IGF2BP2: variants seen among roughly 807,000 people sequenced by gnomAD.
IGF2BP2 encodes insulin like growth factor 2 mRNA binding protein 2.
Under a neutral mutation model 75.8 loss-of-function variants are expected in IGF2BP2, and 17 were observed. The ratio of observed to expected loss-of-function variants is 0.22; its 90% CI spans 0.15 to 0.34. IGF2BP2 has a LOEUF of 0.34. Among genes scored for constraint, IGF2BP2 ranks in the 10% least tolerant of loss-of-function variants. IGF2BP2 has a pLI of 1.00. For missense variants in IGF2BP2, 516 were observed against 772.4 expected (o/e 0.67, Z 3.93); for synonymous variants, 288 against 295.6 (o/e 0.97, Z 0.26).
At chr3:185,685,648 T>C (rs1244883299) in intron 7 of IGF2BP2, among the ~76,000 whole-genome samples, 1 of 152,074 alleles carries the variant, frequency 6.6e-6, no homozygotes, top group Non-Finnish European at 1.5e-5. Flanking sequence ...AAACTGAAAA[T>C]CTACTTTTTC....
chr3:185,697,100 GT>G (rs142766465), intron 3 of IGF2BP2, among the ~76,000 whole-genome samples: 18,822 of 152,148 alleles, frequency 0.12, 1,360 homozygotes, highest in African/African-American at 0.2. Flanking sequence ...CAGGTTTTTT[GT>G]TTTGTTTTGT....
intron 2 of IGF2BP2, among the ~76,000 whole-genome samples, chr3:185,791,955 C>T (rs545574043): frequency 5.9e-5 from 9 of 152,196 alleles, no homozygotes; most frequent in Non-Finnish European, 7.4e-5. Flanking sequence ...TCTTCTAGGA[C>T]GGTAACATAT....
intron 6 of IGF2BP2, chr3:185,689,016 A>C: frequency 2.0e-5 from 4 of 196,616 alleles, no homozygotes; most frequent in Non-Finnish European, 4.2e-5. Flanking sequence ...GGGAAGAGGA[A>C]GAGCTATGAT....
intron 10 of IGF2BP2, among the ~76,000 whole-genome samples, chr3:185,660,524 C>A (rs1716253026): frequency 6.6e-6 from 1 of 152,206 alleles, no homozygotes; most frequent in African/African-American, 2.4e-5. Context: ...CCAGCCACGC[C>A]TGCCGGCGAC....
chr3:185,717,368 G>A (rs1419597743), intron 2 of IGF2BP2: 1 of 154,984 alleles, frequency 6.5e-6, no homozygotes, highest in Non-Finnish European at 1.4e-5. Flanking sequence ...CTTCCCTCCA[G>A]GACAGAACAG....
At chr3:185,657,786 T>C (rs1715698074) in intron 11 of IGF2BP2, among the ~76,000 whole-genome samples, 1 of 152,192 alleles carries the variant, frequency 6.6e-6, no homozygotes, top group South Asian at 2.1e-4. Flanking sequence ...CCCAAGGCAT[T>C]CTGTTAGAGG....
chr3:185,748,593 T>C (rs778093607), intron 2 of IGF2BP2, among the ~76,000 whole-genome samples: 1 of 152,228 alleles, frequency 6.6e-6, no homozygotes, highest in Admixed American at 6.5e-5. Flanking sequence ...ACAATCATTA[T>C]AGACTGAATT....
chr3:185,700,730 C>G (rs985499224), intron 2 of IGF2BP2, among the ~76,000 whole-genome samples: 3 of 152,068 alleles, frequency 2.0e-5, no homozygotes, highest in Admixed American at 1.3e-4. Flanking sequence ...AAGAAACTCA[C>G]GAATGAGCAC....
In IGF2BP2 at chr3:185,675,842, C is replaced by T; in HGVS notation, c.884G>A (p.Arg295Lys). 4 of 1,613,870 alleles carry T rather than the reference C, an allele frequency of 2.5e-6. No homozygotes were observed. Among genetic ancestry groups the T allele is most frequent in the Non-Finnish European group, 2.5e-6 (3 of 1,179,940 alleles). Residue 295 changes from arginine to lysine, a missense_variant, in exon 8 of 16, where the codon AGA becomes AAA. Arg to Lys is a conservative substitution (Grantham distance 26). Transcript: ENST00000382199. ...LVGRLIGKEG[R>K]NLKKIEHETG... is the part of the protein sequence containing the mutation. ...TTCATGTTCAATTTTCTTCAAATTT[C>T]TGCCTTCTTTTCCAATCAGTCTTCC...
intron 7 of IGF2BP2, among the ~76,000 whole-genome samples, chr3:185,682,329 T>C (rs1314645173): frequency 6.6e-6 from 1 of 152,170 alleles, no homozygotes; most frequent in African/African-American, 2.4e-5. Flanking sequence ...ACAGAGTGAA[T>C]TAGTGGGTTG....
intron 2 of IGF2BP2, among the ~76,000 whole-genome samples, chr3:185,804,040 C>T (rs1032593622): frequency 1.3e-5 from 2 of 151,838 alleles, no homozygotes; most frequent in South Asian, 2.1e-4. Flanking sequence ...GGGTGGATCA[C>T]GAGGTCAGGA....
chr3:185,729,104 C>CTTTT lies in IGF2BP2; in HGVS notation c.240-30761_240-30758dup, dbSNP rs200521218. ...CTTGACAAAGCAGTAAAGATTACTGCTTTTTTTTTTTCCACAAAAATTTTG... is the reference window on the plus strand; with the variant it reads ...CTTGACAAAGCAGTAAAGATTACTGCTTTTTTTTTTTTTTTCCACAAAAATTTTG... On this transcript the variant is annotated intron_variant, in intron 2 of 15. Transcript: ENST00000382199. Among the ~76,000 whole-genome samples the CTTTT allele has an allele frequency of 4.4e-3, 645 of 146,978 alleles. 3 individuals carry two copies. Among genetic ancestry groups the CTTTT allele is most frequent in the African/African-American group, 0.015 (613 of 40,288 alleles).
chr3:185,700,514 C>T (rs1037761191), intron 2 of IGF2BP2, among the ~76,000 whole-genome samples: 1 of 152,108 alleles, frequency 6.6e-6, no homozygotes, highest in African/African-American at 2.4e-5. Flanking sequence ...GGCAATAGTT[C>T]AGAATAAAAC....
chr3:185,726,014 G>C (rs1293985037), intron 2 of IGF2BP2, among the ~76,000 whole-genome samples: 1 of 152,132 alleles, frequency 6.6e-6, no homozygotes, highest in East Asian at 1.9e-4. Flanking sequence ...CTGAACACTG[G>C]TGTTGGTTAA....
At chr3:185,667,540 C>CT (rs1717837143) in intron 10 of IGF2BP2, among the ~76,000 whole-genome samples, 1 of 152,108 alleles carries the variant, frequency 6.6e-6, no homozygotes, top group African/African-American at 2.4e-5. Context: ...TGGAAGAAGG[C>CT]TTTTTTCCTT....
intron 2 of IGF2BP2, among the ~76,000 whole-genome samples, chr3:185,805,165 ATTT>A (rs951044633): frequency 1.3e-5 from 2 of 152,204 alleles, no homozygotes; most frequent in South Asian, 2.1e-4. Context: ...GCCCAGAAGT[ATTT>A]CTGAAAATCC....
intron 2 of IGF2BP2, among the ~76,000 whole-genome samples, chr3:185,818,520 T>C (rs1388507324): frequency 6.6e-6 from 1 of 152,178 alleles, no homozygotes; most frequent in East Asian, 1.9e-4. Context: ...GTTGTTCAAT[T>C]AAAGATCTCC....
Position 185,645,435 on chromosome 3 carries a change from G to T in IGF2BP2, c.*96C>A. On this transcript the variant is annotated 3_prime_UTR_variant, in exon 16 of 16. Coordinates refer to ENST00000382199, the MANE Select transcript of IGF2BP2 (RefSeq NM_006548.6). The surrounding 1 kb of genome is among the most constrained non-coding windows in gnomAD (Gnocchi z 4.9). Reference sequence around the variant, plus strand: ...CTTCTCATTCCTCAGATGGTCTTTGGTTTGCTCCCGATCTGGCTGGCTGCG... The same window carrying T: ...CTTCTCATTCCTCAGATGGTCTTTGTTTTGCTCCCGATCTGGCTGGCTGCG... 6.9e-6 allele frequency: 6 copies of T among 864,650 alleles called. No homozygotes were observed. The highest frequency in any genetic ancestry group is 1.5e-5 in the South Asian group (1 of 67,374). The allele number at this position is 864,650 out of a possible 1,614,324, so 53.6% of individuals were successfully genotyped here.
intron 2 of IGF2BP2, among the ~76,000 whole-genome samples, chr3:185,743,906 G>A (rs1729903161): frequency 6.6e-6 from 1 of 152,226 alleles, no homozygotes; most frequent in Non-Finnish European, 1.5e-5. Context: ...ATGTAGGAAA[G>A]AGGTTTTTAA....
Sources: gnomAD v4.1 joint callset for allele counts (sites outside exome capture counted in the v4.1 genomes callset) on GRCh38, gnomAD v4.1.1 for gene constraint, Gnocchi (gnomAD v3.1) non-coding constraint, MANE v1.5 for transcripts, NCBI Gene and HGNC (gene_info 2026-07-23, HGNC 2026-07-21) for gene names.